The following PSD3 variants were observed in gnomAD, a reference collection of about 807,000 sequenced individuals.
PSD3 encodes the protein PH and SEC7 domain-containing protein 3.
A neutral mutation model predicts 105.5 loss-of-function variants in PSD3; 49 were observed. That is an observed-to-expected ratio of 0.46 (90% CI 0.37 to 0.59). PSD3 has a LOEUF of 0.59. Ranked by LOEUF, PSD3 falls within the 20% of genes least tolerant of loss-of-function variation. The pLI is 0.00. For synonymous variants in PSD3, 557 were observed against 457.8 expected (o/e 1.22, Z -2.77); for missense variants, 1,561 against 1,263.8 (o/e 1.24, Z -3.57).
Position 18,682,954 on chromosome 8 carries a change from C to T in PSD3, c.2173-27269G>A, listed in dbSNP as rs549351490. Among the ~76,000 whole-genome samples, 26 of 152,246 alleles carry T rather than the reference C, an allele frequency of 1.7e-4. 1 individual carries two copies. In the South Asian group the frequency reaches 5.4e-3, roughly 32 times the overall value. ...CATGAATCTCCGTTATAATCATCTC[C>T]ATCTCCAGACCTGGAGTTCTGTGAT... On this transcript the variant is annotated intron_variant, in intron 9 of 15. Coordinates refer to ENST00000327040, the MANE Select transcript of PSD3 (RefSeq NM_015310.4).
chr8:19,013,463 G>C, intron 1 of PSD3, 100 bp downstream of exon 1: 1 of 1,520,686 alleles, frequency 6.6e-7, no homozygotes, highest in Non-Finnish European at 8.9e-7. Context: ...GTGGCCCCGG[G>C]ATCCTGGGGG....
chr8:18,725,404 G>C (rs572244971), intron 9 of PSD3, among the ~76,000 whole-genome samples: 173 of 152,286 alleles, frequency 1.1e-3, no homozygotes, highest in African/African-American at 3.9e-3. Flanking sequence ...TCAGAAGAAA[G>C]ATGAAAAACA....
intron 1 of PSD3, among the ~76,000 whole-genome samples, chr8:18,962,971 G>T (rs60791527): frequency 2.9e-4 from 44 of 152,260 alleles, no homozygotes; most frequent in African/African-American, 9.6e-4. Context: ...TTTTCACGCT[G>T]CTGATAAAGA....
intron 1 of PSD3, among the ~76,000 whole-genome samples, chr8:18,970,229 G>T (rs1339224114): frequency 6.9e-6 from 1 of 144,920 alleles, no homozygotes; most frequent in East Asian, 2.1e-4. Context: ...GGAGGCTGAG[G>T]CAGGAGAATG....
chr8:18,548,205 C>G (rs145759632), intron 15 of PSD3, among the ~76,000 whole-genome samples: 1,676 of 152,198 alleles, frequency 0.011, 16 homozygotes, highest in Middle Eastern at 0.02. Context: ...TATTGTTTCC[C>G]TGATTTCATT....
chr8:18,591,432 T>G (rs568207129), intron 12 of PSD3, among the ~76,000 whole-genome samples: 4 of 152,232 alleles, frequency 2.6e-5, no homozygotes, highest in African/African-American at 7.2e-5. Context: ...CACAGCTTGA[T>G]GCAATTGGGA....
intron 12 of PSD3, among the ~76,000 whole-genome samples, chr8:18,593,863 C>G (rs1803800319): frequency 6.7e-6 from 1 of 149,520 alleles, no homozygotes; most frequent in Non-Finnish European, 1.5e-5. Context: ...TCTCAGCAAA[C>G]TATCACAAGG....
At chr8:18,691,576 T>C (rs1800975535) in intron 9 of PSD3, among the ~76,000 whole-genome samples, 1 of 152,200 alleles carries the variant, frequency 6.6e-6, no homozygotes, top group African/African-American at 2.4e-5. Flanking sequence ...AAAATGCAAA[T>C]ACAGAAATGC....
chr8:18,681,803 A>G (rs1461088722), intron 9 of PSD3, among the ~76,000 whole-genome samples: 1 of 152,130 alleles, frequency 6.6e-6, no homozygotes, highest in Non-Finnish European at 1.5e-5. Context: ...AATCCTAAAA[A>G]TATCTCTTGT....
chr8:18,756,248 T>C (rs1806037191), intron 9 of PSD3, among the ~76,000 whole-genome samples: 1 of 152,064 alleles, frequency 6.6e-6, no homozygotes, highest in African/African-American at 2.4e-5. Context: ...ACCCATAAGT[T>C]CCTATTTTCA....
chr8:18,567,535 A>G lies in PSD3; in HGVS notation c.2784+4993T>C, dbSNP rs551670386. ...TTATTACCCTTAAAAATTCAATGCCATTGTGTCCTGCAAGAACTGTACAGT... is the reference window on the plus strand; with the variant it reads ...TTATTACCCTTAAAAATTCAATGCCGTTGTGTCCTGCAAGAACTGTACAGT... On this transcript the variant is annotated intron_variant, in intron 14 of 15. Coordinates refer to ENST00000327040, the MANE Select transcript of PSD3 (RefSeq NM_015310.4). Among the ~76,000 whole-genome samples, 3 of 152,260 alleles carry G rather than the reference A, an allele frequency of 2.0e-5. No individual in the cohort carries two copies. The East Asian group carries it at 5.8e-4, about 29-fold the overall frequency.
At chr8:18,863,632 T>A (rs1348738439) in intron 4 of PSD3, among the ~76,000 whole-genome samples, 1 of 152,192 alleles carries the variant, frequency 6.6e-6, no homozygotes, top group Non-Finnish European at 1.5e-5. Flanking sequence ...TTAATTATGT[T>A]TGTGACAATC....
intron 12 of PSD3, among the ~76,000 whole-genome samples, chr8:18,592,957 T>C (rs986496246): frequency 6.6e-6 from 1 of 152,138 alleles, no homozygotes; most frequent in Non-Finnish European, 1.5e-5. Flanking sequence ...CCTTACACCT[T>C]ATACAAAAAT....
intron 15 of PSD3, among the ~76,000 whole-genome samples, chr8:18,548,959 C>T (rs1800605470): frequency 6.6e-6 from 1 of 152,122 alleles, no homozygotes. Context: ...CCTTAATATT[C>T]TGAGTGGGAT....
chr8:18,697,605 T>C (rs1348449773), intron 9 of PSD3, among the ~76,000 whole-genome samples: 3 of 152,214 alleles, frequency 2.0e-5, no homozygotes, highest in East Asian at 1.9e-4. Context: ...ATGCTTTAAA[T>C]GGAGTTCTAA....
chr8:18,537,512 A>G (rs1799907362), intron 15 of PSD3, among the ~76,000 whole-genome samples: 1 of 152,140 alleles, frequency 6.6e-6, no homozygotes, highest in Admixed American at 6.6e-5. Context: ...GACTGATAAA[A>G]CCAGAGATAC....
chr8:18,914,828 C>T (rs1820477862), intron 2 of PSD3, among the ~76,000 whole-genome samples: 1 of 152,144 alleles, frequency 6.6e-6, no homozygotes, highest in African/African-American at 2.4e-5. Flanking sequence ...ATTCTAATGG[C>T]ATTTTTCAGG....
chr8:18,793,095 T>C (rs1030401410), intron 8 of PSD3, among the ~76,000 whole-genome samples: 4 of 152,096 alleles, frequency 2.6e-5, no homozygotes, highest in Non-Finnish European at 5.9e-5. Flanking sequence ...AAACACCGCA[T>C]GTTCTCACTC....
chr8:18,543,460 A>T (rs772986601), intron 15 of PSD3, among the ~76,000 whole-genome samples: 2 of 152,078 alleles, frequency 1.3e-5, no homozygotes, highest in Non-Finnish European at 2.9e-5. Context: ...TAACAAAAAT[A>T]CAAAAAAATT....
Sources: gnomAD v4.1 joint callset for allele counts (sites outside exome capture counted in the v4.1 genomes callset) on GRCh38, gnomAD v4.1.1 for gene constraint, MANE v1.5 for transcripts, NCBI Gene and HGNC (gene_info 2026-07-23, HGNC 2026-07-21) for gene names.